The following CATSPERT variants were observed in gnomAD, a reference collection of about 807,000 sequenced individuals.
The protein encoded by CATSPERT is catsper channel auxiliary subunit tau, also known as cation channel sperm-associated targeting subunit tau.
chr2:201,491,633 T>A, the CATSPERT span: 3 of 1,537,026 alleles, frequency 2.0e-6, no homozygotes, highest in Non-Finnish European at 2.6e-6. Flanking sequence ...GAAGGGAAAG[T>A]GATTCTGTTT....
the CATSPERT span, chr2:201,575,178 A>C: frequency 4.1e-6 from 4 of 978,408 alleles, no homozygotes; most frequent in Non-Finnish European, 5.8e-6. Flanking sequence ...AACTAAAAGA[A>C]TAAAAACATG....
At chr2:201,544,821 C>CAAAAAAAAAA in the CATSPERT span, among the ~76,000 whole-genome samples, 4 of 92,612 alleles carry the variant, frequency 4.3e-5, no homozygotes, top group Non-Finnish European at 8.8e-5. Flanking sequence ...CCTGTCTCTA[C>CAAAAAAAAAA]AAAAAAAAAA....
At chr2:201,596,533 C>G in the CATSPERT span, among the ~76,000 whole-genome samples, 1 of 152,076 alleles carries the variant, frequency 6.6e-6, no homozygotes, top group Non-Finnish European at 1.5e-5. Flanking sequence ...CACAAGTTTA[C>G]CTATGTACCA....
chr2:201,538,450 A>G, the CATSPERT span, among the ~76,000 whole-genome samples: 1 of 152,082 alleles, frequency 6.6e-6, no homozygotes, highest in Non-Finnish European at 1.5e-5. Flanking sequence ...GTCTGTGGCA[A>G]CCTTGCGTTG....
chr2:201,529,989 T>C, the CATSPERT span, among the ~76,000 whole-genome samples: 3 of 152,036 alleles, frequency 2.0e-5, no homozygotes, highest in African/African-American at 7.2e-5. Context: ...GAAAGGCCAA[T>C]AGATATACTA....
chr2:201,602,310 T>G, the CATSPERT span, among the ~76,000 whole-genome samples: 1 of 152,142 alleles, frequency 6.6e-6, no homozygotes, highest in African/African-American at 2.4e-5. Flanking sequence ...TATAGTTCAT[T>G]TATACTATAT....
the CATSPERT span, chr2:201,572,001 A>G: frequency 6.2e-7 from 1 of 1,612,910 alleles, no homozygotes; most frequent in Non-Finnish European, 8.5e-7. Context: ...TGGCTCAGTA[A>G]TTTTCTGAAG....
chr2:201,570,949 T>C, the CATSPERT span, among the ~76,000 whole-genome samples: 1 of 152,184 alleles, frequency 6.6e-6, no homozygotes, highest in Non-Finnish European at 1.5e-5. Flanking sequence ...TGACAAGAAT[T>C]AGAAGCTCCT....
the CATSPERT span, among the ~76,000 whole-genome samples, chr2:201,545,044 C>CT: frequency 6.6e-6 from 1 of 151,738 alleles, no homozygotes; most frequent in East Asian, 1.9e-4. Flanking sequence ...ATTAAAACGT[C>CT]TTTTTTTGTG....
the CATSPERT span, among the ~76,000 whole-genome samples, chr2:201,522,854 G>T: frequency 6.6e-6 from 1 of 152,144 alleles, no homozygotes; most frequent in African/African-American, 2.4e-5. Context: ...GGGGTATCTT[G>T]CCTGTGAGAC....
At chr2:201,560,345 C>T in the CATSPERT span, among the ~76,000 whole-genome samples, 1 of 151,656 alleles carries the variant, frequency 6.6e-6, no homozygotes, top group East Asian at 1.9e-4. Flanking sequence ...ACTCCTTGAA[C>T]CCAGGAGGTG....
chr2:201,514,121 G>T, the CATSPERT span, among the ~76,000 whole-genome samples: 1 of 152,102 alleles, frequency 6.6e-6, no homozygotes, highest in South Asian at 2.1e-4. Flanking sequence ...TCCACCTTAA[G>T]AAAATAGCAA....
chr2:201,514,877 C>T, the CATSPERT span, among the ~76,000 whole-genome samples: 1 of 152,112 alleles, frequency 6.6e-6, no homozygotes, highest in Non-Finnish European at 1.5e-5. Context: ...AATCCAGGGC[C>T]CCAACTGAAC....
chr2:201,613,117 T>C, the CATSPERT span, among the ~76,000 whole-genome samples: 1 of 152,330 alleles, frequency 6.6e-6, no homozygotes, highest in South Asian at 2.1e-4. Context: ...AGACTCCACC[T>C]CTGGGGGGCA....
At chr2:201,490,146 C>T in the CATSPERT span, among the ~76,000 whole-genome samples, 3 of 152,122 alleles carry the variant, frequency 2.0e-5, no homozygotes, top group South Asian at 2.1e-4. Flanking sequence ...CGTGAGCCAC[C>T]GCGCCTGGCC....
the CATSPERT span, among the ~76,000 whole-genome samples, chr2:201,489,761 A>C: frequency 2.0e-4 from 31 of 152,198 alleles, no homozygotes; most frequent in Admixed American, 3.3e-4. Context: ...TATAGGGAAG[A>C]CCAGTGATTC....
chr2:201,545,774 A>G, the CATSPERT span, among the ~76,000 whole-genome samples: 1 of 152,000 alleles, frequency 6.6e-6, no homozygotes, highest in African/African-American at 2.4e-5. Context: ...CAAGAAGGAG[A>G]TGGGTTTGTG....
At chr2:201,536,514 A>C in the CATSPERT span, among the ~76,000 whole-genome samples, 167 of 152,050 alleles carry the variant, frequency 1.1e-3, no homozygotes, top group African/African-American at 3.6e-3. Context: ...GGACTGTAGA[A>C]TACTATCCAT....
At chr2:201,537,381 T>C in the CATSPERT span, 1 of 1,359,600 alleles carries the variant, frequency 7.4e-7, no homozygotes, top group South Asian at 1.4e-5. Context: ...TTTATAAATA[T>C]TTTATCCCTT....
Sources: gnomAD v4.1 joint callset for allele counts (sites outside exome capture counted in the v4.1 genomes callset) on GRCh38, gnomAD v4.1.1 for gene constraint, MANE v1.5 for transcripts, NCBI Gene and HGNC (gene_info 2026-07-23, HGNC 2026-07-21) for gene names.